PTPRN: variants seen among roughly 807,000 people sequenced by gnomAD.
PTPRN encodes the protein protein tyrosine phosphatase receptor type N.
In PTPRN, 70 loss-of-function variants were observed where a neutral mutation model predicts 108.5. The ratio of observed to expected loss-of-function variants is 0.65; its 90% CI spans 0.53 to 0.79. The LOEUF is 0.79. Among genes scored for constraint, PTPRN ranks in the 30% least tolerant of loss-of-function variants. PTPRN has a pLI of 0.00. For synonymous variants in PTPRN, 496 were observed against 524.6 expected (o/e 0.95, Z 0.75); for missense variants, 1,136 against 1,295.5 (o/e 0.88, Z 1.89).
chr2:219,308,904 T>G (rs1345243242), intron 1 of PTPRN: 22 of 1,370,280 alleles, frequency 1.6e-5, no homozygotes, highest in Non-Finnish European at 2.1e-5. Context: ...TCGGAGCAAG[T>G]GGCTTCTCCT....
At chr2:219,306,151 A>AAAC (rs374948333) in intron 3 of PTPRN, among the ~76,000 whole-genome samples, 3 of 152,112 alleles carry the variant, frequency 2.0e-5, no homozygotes, top group Non-Finnish European at 2.9e-5. Context: ...ACTCTGTCTC[A>AAAC]AACAACAACA....
At chr2:219,295,847 G>C (rs1229772995) in intron 18 of PTPRN, 1 of 181,754 alleles carries the variant, frequency 5.5e-6, no homozygotes, top group Non-Finnish European at 1.2e-5. Context: ...TCAGTCTTTG[G>C]GTATCCTTAT....
intron 19 of PTPRN, chr2:219,294,147 A>T (rs762232906): frequency 2.6e-5 from 14 of 530,830 alleles, no homozygotes; most frequent in African/African-American, 1.5e-4. Context: ...TGACTATGCA[A>T]CTGGAGTGAG....
chr2:219,294,903 G>C, intron 19 of PTPRN, 72 bp downstream of exon 19: 1 of 1,361,942 alleles, frequency 7.3e-7, no homozygotes, highest in South Asian at 1.7e-5. Flanking sequence ...GGGGCTCCAG[G>C]CCGAGCGGCG....
At position 219,289,947 on chromosome 2, in the gene PTPRN, G is replaced by A; in HGVS notation, c.*279C>T. The A allele has an allele frequency of 2.2e-6, 1 of 445,170 alleles. No homozygotes were observed. Among genetic ancestry groups the A allele is most frequent in the Non-Finnish European group, 4.1e-6 (1 of 242,608 alleles). The allele number at this position is 445,170 out of a possible 1,614,324, so 27.6% of individuals were successfully genotyped here. A position where few individuals can be genotyped will look rare whatever the true frequency, so the allele number is the denominator to read the frequency against. On this transcript the variant is annotated 3_prime_UTR_variant, in exon 23 of 23. Coordinates refer to ENST00000295718, the MANE Select transcript of PTPRN (RefSeq NM_002846.4). Reference sequence around the variant, plus strand: ...CAGGAGAGCCAGGCCAGGGAATGTAGGCAGGAGAAGGCTCTGGGTAGAATT... The same window carrying A: ...CAGGAGAGCCAGGCCAGGGAATGTAAGCAGGAGAAGGCTCTGGGTAGAATT...
intron 4 of PTPRN, 148 bp from the exon 5 acceptor site, chr2:219,302,985 T>A (rs534579621): frequency 4.4e-6 from 2 of 449,712 alleles, no homozygotes; most frequent in Admixed American, 4.3e-5. Flanking sequence ...GGAAGAGAGA[T>A]GGGCTGGGTG....
At position 219,302,506 on chromosome 2, in the gene PTPRN, A is replaced by T; in HGVS notation, c.640-15T>A. The T allele has an allele frequency of 1.2e-6, 2 of 1,613,812 alleles. No homozygotes were observed. The highest frequency in any genetic ancestry group is 1.7e-5 in the Admixed American group (1 of 59,938). Reference sequence around the variant, plus strand: ...CGGGAGCCAAACTGTGGAAAACCAGAGATCTGGGTAAGAGCAGAAGTCCGG... The same window carrying T: ...CGGGAGCCAAACTGTGGAAAACCAGTGATCTGGGTAAGAGCAGAAGTCCGG... On this transcript the variant is annotated splice_polypyrimidine_tract_variant and intron_variant, in intron 5 of 22. Transcript: ENST00000295718.
intron 20 of PTPRN, among the ~76,000 whole-genome samples, chr2:219,291,230 A>G (rs1170826126): frequency 2.0e-5 from 3 of 152,142 alleles, no homozygotes; most frequent in African/African-American, 4.8e-5. Flanking sequence ...TAGGGGGCCA[A>G]TGGTCAATAT....
At chr2:219,295,398 A>G in intron 18 of PTPRN, 1 of 482,512 alleles carries the variant, frequency 2.1e-6, no homozygotes, top group Non-Finnish European at 3.6e-6. Context: ...TCTTCCTCGC[A>G]GGGTCTACCA....
At position 219,295,123 on chromosome 2, in the gene PTPRN, G is replaced by C. The variant is rs766374706; in HGVS notation, c.2527C>G (p.His843Asp). Reference sequence around the variant, plus strand: ...ACCAGAAAGTCCTCGCACCAGATGTGCTCCGACACCAGGTTCACCTGCCCG... The same window carrying C: ...ACCAGAAAGTCCTCGCACCAGATGTCCTCCGACACCAGGTTCACCTGCCCG... ...HVYEVNLVSE[H>D]IWCEDFLVRS... Residue 843 changes from histidine (H) to aspartate (D), a missense_variant, in exon 19 of 23, where the codon CAC becomes GAC. Transcript: ENST00000295718. 15 of 1,611,790 alleles carry C rather than the reference G, an allele frequency of 9.3e-6. No individual in the cohort carries two copies.
chr2:219,291,339 T>G (rs1356152732), intron 20 of PTPRN, 131 bp downstream of exon 20: 1 of 1,022,006 alleles, frequency 9.8e-7, no homozygotes, highest in African/African-American at 1.6e-5. Flanking sequence ...GTCTTGGCCA[T>G]TAAAAACAGG....
chr2:219,309,176 T>G, intron 1 of PTPRN, 42 bp downstream of exon 1: 9 of 1,364,338 alleles, frequency 6.6e-6, no homozygotes, highest in Non-Finnish European at 8.0e-6. Flanking sequence ...CCCAAGCTGC[T>G]CCCCGCCCCC....
chr2:219,301,646 C>T lies in PTPRN; in HGVS notation c.1068G>A (p.Gln356=), dbSNP rs144535553. The T allele has an allele frequency of 6.2e-7, 1 of 1,613,604 alleles. No homozygotes were observed. The highest frequency in any genetic ancestry group is 8.5e-7 in the Non-Finnish European group (1 of 1,179,526). ...GCAGCAGGGTCAGGAGTGTGGAGAG[C>T]TGCTCAGGGGTCAGCTGACGCAGCT... ...GVELRQLTPE[Q]LSTLLTLLQL... The change falls in exon 7 of 23, where the codon CAG becomes CAA. Residue 356 remains glutamine, a synonymous_variant. Coordinates refer to ENST00000295718, the MANE Select transcript of PTPRN (RefSeq NM_002846.4).
At chr2:219,305,384 A>G (rs569830230) in intron 3 of PTPRN, among the ~76,000 whole-genome samples, 41 of 152,044 alleles carry the variant, frequency 2.7e-4, no homozygotes, top group Non-Finnish European at 4.7e-4. Context: ...CTGGGATTAC[A>G]GGTGCTCGCC....
At position 219,297,359 on chromosome 2, in the gene PTPRN, C is replaced by A. The variant is rs1450437996; in HGVS notation, c.1962G>T (p.Val654=). 6.2e-7 allele frequency: 1 copy of A among 1,614,092 alleles called. No homozygotes were observed. The highest frequency in any genetic ancestry group is 1.1e-5 in the South Asian group (1 of 91,084). ...RAEGPPEPSR[V]SSVSSQFSDA... Reference sequence around the variant, plus strand: ...CGCTGAACTGGGAGGACACACTGCTCACCCGTGAAGGCTCCGGTGGACCCT... The same window carrying A: ...CGCTGAACTGGGAGGACACACTGCTAACCCGTGAAGGCTCCGGTGGACCCT... Residue 654 remains valine (V), a synonymous_variant, in exon 14 of 23, where the codon GTG becomes GTT. Transcript: ENST00000295718. The surrounding 1 kb of genome is among the most constrained non-coding windows in gnomAD (Gnocchi z 6.0).
In PTPRN at chr2:219,296,376, C is replaced by G. The variant is rs753805565; in HGVS notation, c.2389-31G>C. ...GACAGAGACCCAGTTGAGCTCCACT[C>G]TAACCTCCCTGGGACCTCGTGGCCA... On this transcript the variant is annotated intron_variant, in intron 17 of 22. Transcript: ENST00000295718. This position sits in a 1 kb window ranked among gnomAD's most constrained non-coding sequence, Gnocchi z 6.0. 28 of 1,614,072 alleles carry G rather than the reference C, an allele frequency of 1.7e-5. No homozygotes were observed. Among genetic ancestry groups the G allele is most frequent in the Non-Finnish European group, 2.3e-5 (27 of 1,180,030 alleles).
chr2:219,297,249 G>A lies in PTPRN; in HGVS notation c.2072C>T (p.Thr691Met), dbSNP rs542436411. 87 of 1,614,040 alleles carry A rather than the reference G, an allele frequency of 5.4e-5. No individual in the cohort carries two copies. Among genetic ancestry groups the A allele is most frequent in the East Asian group, 1.6e-4 (7 of 44,868 alleles). The change falls in exon 14 of 23, where the codon ACG (threonine) becomes ATG (methionine). Residue 691 changes from threonine to methionine, a missense_variant. By Grantham distance (81) the Thr-to-Met change is moderately conservative (BLOSUM62 -1). Transcript: ENST00000295718. The surrounding 1 kb of genome is among the most constrained non-coding windows in gnomAD (Gnocchi z 6.0). ...TGTCCTGACCAGAATCATGTGTCCC[G>A]TGGAGATGTCCATGTTGGCTTGGGC... ...EPAQANMDIS[T>M]GHMILAYMED...
chr2:219,290,758 G>T lies in PTPRN; in HGVS notation c.2794+68C>A. Reference sequence around the variant, plus strand: ...CAACCTGCTCCTTCTGAGCTCCCAGGACCCTGTGTGCTGGGGAGCCTCTAA... The same window carrying T: ...CAACCTGCTCCTTCTGAGCTCCCAGTACCCTGTGTGCTGGGGAGCCTCTAA... On this transcript the variant is annotated intron_variant, in intron 21 of 22. Transcript: ENST00000295718. This position sits in a 1 kb window ranked among gnomAD's most constrained non-coding sequence, Gnocchi z 4.2. The T allele has an allele frequency of 6.5e-7, 1 of 1,546,916 alleles. No homozygotes were observed. Among genetic ancestry groups the T allele is most frequent in the Non-Finnish European group, 8.9e-7 (1 of 1,119,444 alleles).
At chr2:219,307,223 C>G (rs1016191335) in intron 3 of PTPRN, 2 of 469,820 alleles carry the variant, frequency 4.3e-6, no homozygotes, top group African/African-American at 3.9e-5. Context: ...GGAAGCTGGC[C>G]TTTTCCAGTG....
Sources: gnomAD v4.1 joint callset for allele counts (sites outside exome capture counted in the v4.1 genomes callset) on GRCh38, gnomAD v4.1.1 for gene constraint, Gnocchi (gnomAD v3.1) non-coding constraint, MANE v1.5 for transcripts, NCBI Gene and HGNC (gene_info 2026-07-23, HGNC 2026-07-21) for gene names.